Variants in SETBP1 observed in about 807,000 individuals in gnomAD.
SETBP1 encodes the protein SET-binding protein.
A neutral mutation model predicts 101.0 loss-of-function variants in SETBP1; 9 were observed. The ratio of observed to expected loss-of-function variants is 0.09; its 90% CI spans 0.05 to 0.16. SETBP1 has a LOEUF of 0.16. SETBP1 is among the 10% of genes least tolerant of loss of function. SETBP1 has a pLI of 1.00. For missense variants in SETBP1, 1,858 were observed against 2,033.8 expected (o/e 0.91, Z 1.66); for synonymous variants, 818 against 788.5 (o/e 1.04, Z -0.63).
chr18:44,831,073 C>T (rs925604668), intron 2 of SETBP1, among the ~76,000 whole-genome samples: 2 of 152,124 alleles, frequency 1.3e-5, no homozygotes, highest in African/African-American at 4.8e-5. Context: ...TGTTTTTATT[C>T]GCAATCCTCT....
At chr18:44,955,585 T>C (rs1395783845) in intron 4 of SETBP1, among the ~76,000 whole-genome samples, 2 of 152,158 alleles carry the variant, frequency 1.3e-5, no homozygotes, top group African/African-American at 4.8e-5. Flanking sequence ...GTACTTTTAT[T>C]CCTATATTAC....
At chr18:44,710,536 C>A (rs952545749) in intron 2 of SETBP1, among the ~76,000 whole-genome samples, 3 of 130,666 alleles carry the variant, frequency 2.3e-5, no homozygotes, top group African/African-American at 8.8e-5. Flanking sequence ...ACTACAATTT[C>A]TGCCTTCCAG....
At chr18:44,787,928 C>T (rs372220867) in intron 2 of SETBP1, among the ~76,000 whole-genome samples, 1 of 142,058 alleles carries the variant, frequency 7.0e-6, no homozygotes, top group Non-Finnish European at 1.5e-5. Context: ...CAAAAGACTT[C>T]ATGAAACATA....
At chr18:45,035,800 C>G (rs983941331) in intron 4 of SETBP1, among the ~76,000 whole-genome samples, 2 of 152,168 alleles carry the variant, frequency 1.3e-5, no homozygotes, top group Admixed American at 6.5e-5. Context: ...GAAATTCTGC[C>G]TCCATCCATT....
In SETBP1 at chr18:44,961,636, T is replaced by C. The variant is rs117629037; in HGVS notation, c.4000+8296T>C. ...AACACAATGCCAGATTCCCTTATACTATGTCATTCCACATGTCATAGTATA... is the reference window on the plus strand; with the variant it reads ...AACACAATGCCAGATTCCCTTATACCATGTCATTCCACATGTCATAGTATA... On this transcript the variant is annotated intron_variant, in intron 4 of 5. Transcript: ENST00000649279. Among the ~76,000 whole-genome samples, 12 of 152,328 alleles carry C rather than the reference T, an allele frequency of 7.9e-5. No homozygotes were observed. In the East Asian group the frequency reaches 1.7e-3, roughly 22 times the overall value.
intron 2 of SETBP1, among the ~76,000 whole-genome samples, chr18:44,704,387 A>G (rs1331878806): frequency 2.0e-5 from 3 of 152,244 alleles, no homozygotes; most frequent in African/African-American, 7.2e-5. Flanking sequence ...AGGAAGAAGA[A>G]GGGCTGAAAT....
intron 4 of SETBP1, among the ~76,000 whole-genome samples, chr18:45,020,258 TAAAAAAAA>T (rs57134217): frequency 7.7e-4 from 41 of 53,080 alleles, no homozygotes; most frequent in African/African-American, 2.7e-3. Flanking sequence ...GACTCTGTCT[TAAAAAAAA>T]AAAAAAAAAA....
chr18:44,854,163 A>C (rs932952087), intron 2 of SETBP1, among the ~76,000 whole-genome samples: 4 of 152,064 alleles, frequency 2.6e-5, no homozygotes, highest in Non-Finnish European at 5.9e-5. Context: ...CCCAGAATGC[A>C]TCACAAGGCC....
intron 2 of SETBP1, among the ~76,000 whole-genome samples, chr18:44,832,465 A>G (rs1293673277): frequency 6.6e-6 from 1 of 152,208 alleles, no homozygotes; most frequent in African/African-American, 2.4e-5. Flanking sequence ...TCAGAGAAAC[A>G]TGGCAGTCAG....
rs750243876 is a variant in SETBP1 at position 44,950,909 on chromosome 18, T to C, written c.1569T>C (p.His523=). The part of the protein sequence containing the change: ...SPSRKLPEIQ[H]PKFAAKRRWT... ...CCAGAAAGCTGCCAGAAATCCAGCA[T>C]CCAAAATTTGCTGCAAAACGAAGGT... Residue 523 remains histidine, a synonymous_variant, in exon 4 of 6, where the codon CAT becomes CAC. Coordinates refer to ENST00000649279, the MANE Select transcript of SETBP1 (RefSeq NM_015559.3). The C allele has an allele frequency of 7.4e-6, 12 of 1,614,002 alleles. 1 individual carries two copies. The South Asian group carries it at 1.3e-4, about 18-fold the overall frequency.
chr18:44,944,623 C>A (rs1169741007), intron 3 of SETBP1, among the ~76,000 whole-genome samples: 1 of 152,110 alleles, frequency 6.6e-6, no homozygotes, highest in Non-Finnish European at 1.5e-5. Context: ...AGAGATGAGG[C>A]CTCCCTCATT....
intron 1 of SETBP1, among the ~76,000 whole-genome samples, chr18:44,700,737 C>T (rs2069101371): frequency 6.6e-6 from 1 of 152,166 alleles, no homozygotes; most frequent in Admixed American, 6.5e-5. Flanking sequence ...CTCAGCTTTG[C>T]AAACTGTTCT....
At chr18:45,019,732 C>A (rs2073018069) in intron 4 of SETBP1, among the ~76,000 whole-genome samples, 1 of 152,010 alleles carries the variant, frequency 6.6e-6, no homozygotes. Flanking sequence ...TAGGCCATTA[C>A]CTGTTTGAAC....
At chr18:44,961,165 A>T (rs1311318022) in intron 4 of SETBP1, among the ~76,000 whole-genome samples, 1 of 152,178 alleles carries the variant, frequency 6.6e-6, no homozygotes, top group African/African-American at 2.4e-5. Flanking sequence ...CTGGCAACCC[A>T]CCTTAAACAC....
At chr18:44,869,707 G>T in intron 3 of SETBP1, 1 of 294,908 alleles carries the variant, frequency 3.4e-6, no homozygotes, top group African/African-American at 2.2e-5. Context: ...TGATAGCCAA[G>T]TTAATCTCAG....
At chr18:44,968,726 A>G (rs796107718) in intron 4 of SETBP1, among the ~76,000 whole-genome samples, 7 of 152,334 alleles carry the variant, frequency 4.6e-5, no homozygotes, top group African/African-American at 1.7e-4. Flanking sequence ...CAAGTAGGCA[A>G]CAGTGAGTTT....
rs558429723 is a variant in SETBP1 at position 44,690,001 on chromosome 18, G to A, written c.-173+8980G>A. On this transcript the variant is annotated intron_variant, in intron 1 of 5. Transcript: ENST00000649279. ...CCACACATAGCACACATGAAAGAAC[G>A]CTGACAGCTGACTCTGCCTCCTGCT... Among the ~76,000 whole-genome samples, 6 of 152,264 alleles carry A rather than the reference G, an allele frequency of 3.9e-5. No homozygotes were observed. The South Asian group carries it at 8.3e-4, about 21-fold the overall frequency.
chr18:44,759,323 A>G (rs1035598221), intron 2 of SETBP1, among the ~76,000 whole-genome samples: 5 of 152,170 alleles, frequency 3.3e-5, no homozygotes, highest in Non-Finnish European at 5.9e-5. Flanking sequence ...GCCCCCAAGA[A>G]TTGTGGCGTC....
chr18:44,846,326 T>C (rs1446429536), intron 2 of SETBP1, among the ~76,000 whole-genome samples: 1 of 152,226 alleles, frequency 6.6e-6, no homozygotes, highest in African/African-American at 2.4e-5. Context: ...ATTCAGTGGT[T>C]TTTGGTGTAT....
Sources: gnomAD v4.1 joint callset for allele counts (sites outside exome capture counted in the v4.1 genomes callset) on GRCh38, gnomAD v4.1.1 for gene constraint, MANE v1.5 for transcripts, NCBI Gene and HGNC (gene_info 2026-07-23, HGNC 2026-07-21) for gene names.